KPNA3: variants seen among roughly 807,000 people sequenced by gnomAD.
The protein encoded by KPNA3 is karyopherin subunit alpha 3, also known as importin subunit alpha-4.
A neutral mutation model predicts 73.8 loss-of-function variants in KPNA3; 13 were observed. The ratio of observed to expected loss-of-function variants is 0.18; its 90% confidence interval spans 0.11 to 0.28. KPNA3 has a LOEUF of 0.28. Among genes scored for constraint, KPNA3 ranks in the 10% least tolerant of loss-of-function variants. The pLI, the probability that KPNA3 is intolerant of heterozygous loss-of-function variation, is 1.00. For synonymous variants in KPNA3, 186 were observed against 206.9 expected, an observed-to-expected ratio of 0.90 and a Z score of 0.87; for missense variants, 360 against 618.1, an observed-to-expected ratio of 0.58 and a Z score of 4.43.
chr13:49,751,751 A>C (rs1594450107), intron 1 of KPNA3, among the ~76,000 whole-genome samples: 1 of 152,164 alleles, frequency 6.6e-6, no homozygotes, highest in South Asian at 2.1e-4. Context: ...CTACAAAAAA[A>C]TTAAAAATTA....
Position 49,709,630 on chromosome 13 carries a change from C to A in KPNA3, c.974G>T (p.Cys325Phe). ...ATTTGGGAAGTGTGACAGGACATCA[C>A]AATTGAGAACAACCTGGGTCTGCTC... ...TDEQTQVVLNCDVLSHFPNLL... is the reference protein window; with the variant it reads ...TDEQTQVVLNFDVLSHFPNLL... Residue 325 changes from cysteine to phenylalanine, a missense_variant, in exon 12 of 17, where the codon TGT becomes TTT. By Grantham distance (205) the Cys-to-Phe change is radical. Transcript: ENST00000261667. The A allele has an allele frequency of 6.2e-7, 1 of 1,613,888 alleles. No individual in the cohort carries two copies. The highest frequency in any genetic ancestry group is 8.5e-7 in the Non-Finnish European group (1 of 1,179,842).
At chr13:49,742,365 C>CA (rs3837529) in intron 2 of KPNA3, among the ~76,000 whole-genome samples, 36,388 of 152,044 alleles carry the variant, frequency 0.24, 5,202 homozygotes, top group Non-Finnish European at 0.32. Flanking sequence ...GTAGTAGGAC[C>CA]AAAAATGAAA....
chr13:49,770,891 G>C (rs373317857), intron 1 of KPNA3, among the ~76,000 whole-genome samples: 2 of 150,274 alleles, frequency 1.3e-5, no homozygotes, highest in East Asian at 3.9e-4. Flanking sequence ...TGGTAAATGT[G>C]AAAGTTTCTT....
intron 1 of KPNA3, among the ~76,000 whole-genome samples, chr13:49,784,234 T>A (rs1391699758): frequency 6.6e-6 from 1 of 152,068 alleles, no homozygotes; most frequent in Non-Finnish European, 1.5e-5. Context: ...AAATAATGTT[T>A]AAAAATTTTT....
At chr13:49,790,981 A>T (rs1394883175) in intron 1 of KPNA3, among the ~76,000 whole-genome samples, 1 of 152,214 alleles carries the variant, frequency 6.6e-6, no homozygotes, top group East Asian at 1.9e-4. Flanking sequence ...GGCAGTTCCA[A>T]AATTTCTTGT....
intron 2 of KPNA3, among the ~76,000 whole-genome samples, chr13:49,733,282 G>GTATTTT (rs1954487008): frequency 9.9e-6 from 1 of 100,918 alleles, no homozygotes; most frequent in Admixed American, 1.2e-4. Context: ...CCACTGTGGT[G>GTATTTT]TTTTTTTTTT....
chr13:49,725,301 CTT>C (rs1954399058), intron 7 of KPNA3, 113 bp downstream of exon 7: 3 of 503,536 alleles, frequency 6.0e-6, no homozygotes, highest in Non-Finnish European at 1.0e-5. Flanking sequence ...TCAAAAGTAA[CTT>C]ATAAAAGTCA....
At chr13:49,705,805 A>G in intron 14 of KPNA3, 22 bp from the exon 15 acceptor site, 1 of 1,539,716 alleles carries the variant, frequency 6.5e-7, no homozygotes, top group Non-Finnish European at 8.8e-7. Flanking sequence ...AAGAGAAGAA[A>G]TATTTTTATT....
chr13:49,765,434 CCTAAAGTATA>C (rs769011330), intron 1 of KPNA3, among the ~76,000 whole-genome samples: 1 of 152,088 alleles, frequency 6.6e-6, no homozygotes, highest in Non-Finnish European at 1.5e-5. Flanking sequence ...CAACAATTCA[CCTAAAGTATA>C]CATACAATTC....
chr13:49,707,204 T>TA (rs1954215911), intron 12 of KPNA3, among the ~76,000 whole-genome samples: 1 of 152,190 alleles, frequency 6.6e-6, no homozygotes, highest in Non-Finnish European at 1.5e-5. Context: ...CTATATAACA[T>TA]AAATATTCTA....
intron 6 of KPNA3, among the ~76,000 whole-genome samples, chr13:49,732,134 C>A (rs1413752631): frequency 6.6e-6 from 1 of 152,082 alleles, no homozygotes; most frequent in Non-Finnish European, 1.5e-5. Context: ...TAAGTTAAAA[C>A]AGGCAATAAA....
intron 1 of KPNA3, among the ~76,000 whole-genome samples, chr13:49,759,354 A>G (rs1372243228): frequency 1.3e-5 from 2 of 152,198 alleles, no homozygotes; most frequent in African/African-American, 4.8e-5. Flanking sequence ...GCTGTTCCCA[A>G]ACTTTTTGGC....
rs78357737 is a variant in KPNA3, at chr13:49,783,860, T to C, written c.69+8578A>G. On this transcript the variant is annotated intron_variant, in intron 1 of 16. Coordinates refer to ENST00000261667, the MANE Select transcript of KPNA3 (RefSeq NM_002267.4). ...CTGAACCCTACGATCATTCTTATTA[T>C]CATTACTGAGATATATTCTAAGGTA... Among the ~76,000 whole-genome samples, 645 of 152,336 alleles carry C rather than the reference T, an allele frequency of 4.2e-3. 2 individuals carry two copies. Among genetic ancestry groups the C allele is most frequent in the Non-Finnish European group, 7.7e-3 (524 of 68,030 alleles).
intron 1 of KPNA3, among the ~76,000 whole-genome samples, chr13:49,787,414 C>A (rs1414615085): frequency 6.6e-6 from 1 of 152,190 alleles, no homozygotes; most frequent in Non-Finnish European, 1.5e-5. Context: ...TCCCCATTCA[C>A]TAACTTTCAG....
At chr13:49,758,327 A>G (rs1164486071) in intron 1 of KPNA3, among the ~76,000 whole-genome samples, 4 of 152,192 alleles carry the variant, frequency 2.6e-5, no homozygotes, top group Non-Finnish European at 5.9e-5. Flanking sequence ...ATCCCTAAAA[A>G]TAAAGAAATG....
chr13:49,780,706 T>C (rs1276397411), intron 1 of KPNA3, among the ~76,000 whole-genome samples: 10 of 145,338 alleles, frequency 6.9e-5, no homozygotes, highest in South Asian at 4.4e-4. Context: ...CACCTGAATA[T>C]TGAAAAATAT....
intron 2 of KPNA3, 110 bp downstream of exon 2, chr13:49,746,839 G>T: frequency 1.3e-6 from 1 of 743,262 alleles, no homozygotes; most frequent in Non-Finnish European, 2.3e-6. Context: ...GTGATGTGTG[G>T]TTTTAGGGAT....
intron 16 of KPNA3, among the ~76,000 whole-genome samples, 153 bp downstream of exon 16, chr13:49,702,233 A>G (rs1954154987): frequency 6.6e-6 from 1 of 152,198 alleles, no homozygotes; most frequent in Admixed American, 6.5e-5. Context: ...GAAGTTTCAA[A>G]GTATTTAAGA....
intron 6 of KPNA3, among the ~76,000 whole-genome samples, chr13:49,727,818 C>A (rs974585622): frequency 1.3e-5 from 2 of 152,134 alleles, no homozygotes; most frequent in African/African-American, 4.8e-5. Flanking sequence ...AAAGCAAAAA[C>A]AAACATCAAA....
Sources: allele counts gnomAD v4.1 joint callset (sites outside exome capture counted in the v4.1 genomes callset), GRCh38; gene constraint gnomAD v4.1.1; transcripts MANE v1.5; gene names NCBI Gene and HGNC (gene_info 2026-07-23, HGNC 2026-07-21).